Variants in PARPBP observed in about 807,000 individuals in gnomAD.
The protein encoded by PARPBP is PARP1 binding protein, also known as PCNA-interacting partner.
In PARPBP, 52 loss-of-function variants were observed where a neutral mutation model predicts 50.0. The observed-to-expected ratio is 1.04, with a 90% CI of 0.83 to 1.31. The LOEUF (loss-of-function observed/expected upper bound fraction) is 1.31, where lower values mean the gene tolerates loss of function less well. PARPBP is among the 50% of genes most tolerant of loss of function. PARPBP has a pLI of 0.00. For synonymous variants in PARPBP, 244 were observed against 232.1 expected (o/e 1.05, Z -0.47); for missense variants, 697 against 672.0 (o/e 1.04, Z -0.41).
intron 1 of PARPBP, among the ~76,000 whole-genome samples, 174 bp from the exon 2 acceptor site, chr12:102,123,712 G>A (rs369141140): frequency 3.9e-5 from 6 of 152,186 alleles, no homozygotes; most frequent in East Asian, 1.9e-4. Flanking sequence ...ATATGATTGC[G>A]CAGAAATTGT....
chr12:102,182,501 C>T, intron 8 of PARPBP, 48 bp from the exon 9 acceptor site: 8 of 1,315,140 alleles, frequency 6.1e-6, no homozygotes, highest in Non-Finnish European at 7.6e-6. Flanking sequence ...GGGAAACAAA[C>T]ATTCCAACCA....
At chr12:102,138,054 G>C (rs961343938) in intron 2 of PARPBP, among the ~76,000 whole-genome samples, 7 of 152,144 alleles carry the variant, frequency 4.6e-5, no homozygotes, top group African/African-American at 1.7e-4. Flanking sequence ...GGTATTTCTA[G>C]TTCTAGATCC....
At chr12:102,170,153 T>A (rs934242091) in intron 6 of PARPBP, among the ~76,000 whole-genome samples, 1 of 152,206 alleles carries the variant, frequency 6.6e-6, no homozygotes, top group Non-Finnish European at 1.5e-5. Flanking sequence ...CTGAAAGATG[T>A]CTTAAATGAG....
chr12:102,182,655 A>G (rs1889942932), intron 9 of PARPBP, 28 bp downstream of exon 9: 1 of 1,391,158 alleles, frequency 7.2e-7, no homozygotes, highest in Non-Finnish European at 1.0e-6. Context: ...CCATGAAAAT[A>G]GCAAACACTG....
intron 9 of PARPBP, among the ~76,000 whole-genome samples, chr12:102,193,697 T>G (rs1485625361): frequency 6.6e-6 from 1 of 152,040 alleles, no homozygotes; most frequent in African/African-American, 2.4e-5. Context: ...AAAACTTATT[T>G]AAATAGGTTT....
At chr12:102,175,985 CTTT>C (rs948256671) in intron 7 of PARPBP, among the ~76,000 whole-genome samples, 3 of 141,672 alleles carry the variant, frequency 2.1e-5, no homozygotes, top group Admixed American at 7.1e-5. Context: ...CATAAATATT[CTTT>C]TTTTTTTTTT....
intron 8 of PARPBP, 107 bp from the exon 9 acceptor site, chr12:102,182,442 G>C (rs1889915381): frequency 1.4e-6 from 1 of 726,642 alleles, no homozygotes; most frequent in Non-Finnish European, 2.3e-6. Context: ...ATCATAAGTT[G>C]AGGAAAAACT....
At chr12:102,179,167 G>C (rs1376717114) in intron 8 of PARPBP, among the ~76,000 whole-genome samples, 1 of 152,178 alleles carries the variant, frequency 6.6e-6, no homozygotes, top group Non-Finnish European at 1.5e-5. Flanking sequence ...GAGATATTAA[G>C]TAATTTGCCC....
intron 4 of PARPBP, among the ~76,000 whole-genome samples, chr12:102,158,413 A>G (rs1463866320): frequency 1.3e-5 from 2 of 152,232 alleles, no homozygotes; most frequent in Admixed American, 6.5e-5. Context: ...AGTTACACTC[A>G]TTAATCTTTG....
rs542813216 is a variant in PARPBP, at chr12:102,184,857, T to C, written c.1263+2230T>C. On this transcript the variant is annotated intron_variant, in intron 9 of 10. Transcript: ENST00000327680. ...TACTACCAAAGTTCCTATGGAAAAG[T>C]AGTTTAGCAGCTGATTATCTTATTA... 2.2e-3 allele frequency among the ~76,000 whole-genome samples: 334 copies of C among 152,288 alleles called. 2 individuals are homozygous for C. Among genetic ancestry groups the C allele is most frequent in the Non-Finnish European group, 3.9e-3 (263 of 67,996 alleles).
intron 6 of PARPBP, among the ~76,000 whole-genome samples, chr12:102,172,974 T>G (rs1379812670): frequency 6.6e-6 from 1 of 152,216 alleles, no homozygotes; most frequent in Non-Finnish European, 1.5e-5. Flanking sequence ...GACTTCTGAT[T>G]ACAGAAGTAT....
At chr12:102,120,762 G>A (rs73384817) in intron 1 of PARPBP, among the ~76,000 whole-genome samples, 5,046 of 152,210 alleles carry the variant, frequency 0.033, 256 homozygotes, top group African/African-American at 0.11. Context: ...TTTCACTAAC[G>A]TCTCATTCTG....
At chr12:102,126,115 A>G (rs1224375202) in intron 2 of PARPBP, among the ~76,000 whole-genome samples, 1 of 152,240 alleles carries the variant, frequency 6.6e-6, no homozygotes, top group Non-Finnish European at 1.5e-5. Flanking sequence ...AGACATATTA[A>G]GAGTGTTGCC....
intron 4 of PARPBP, among the ~76,000 whole-genome samples, chr12:102,163,617 CT>C (rs1354067714): frequency 2.0e-5 from 3 of 152,012 alleles, no homozygotes; most frequent in African/African-American, 7.3e-5. Context: ...ATTCTTTCAT[CT>C]TTTTTGTTGT....
intron 4 of PARPBP, among the ~76,000 whole-genome samples, chr12:102,159,351 A>G (rs546848768): frequency 1.3e-5 from 2 of 151,766 alleles, no homozygotes; most frequent in Admixed American, 1.3e-4. Context: ...CTGGTCTTGA[A>G]CTCCTGATCT....
intron 9 of PARPBP, among the ~76,000 whole-genome samples, chr12:102,191,885 G>A (rs1431086808): frequency 2.6e-5 from 4 of 152,010 alleles, no homozygotes. Context: ...TAGTTGTTTA[G>A]TACTTCAAAA....
rs530860517 is a variant in PARPBP, at chr12:102,175,601, A to T, written c.940A>T (p.Lys314Ter). The T allele has an allele frequency of 2.7e-5, 44 of 1,613,294 alleles. 1 individual carries two copies. In the Admixed American group the frequency reaches 4.3e-4, roughly 16 times the overall value. Residue 314 changes from lysine to a stop codon, truncating the protein, a stop_gained, in exon 7 of 11, where the codon AAA becomes TAA. Transcript: ENST00000327680. LOFTEE classifies it high-confidence loss of function. ...EVAQDLDLRIKNIINSQEGVV... is the reference protein window; with the variant it reads ...EVAQDLDLRI The stretch of plus-strand genomic sequence containing the variant: ...TGCTCAGGATTTGGATTTGAGGATT[A>T]AAAATATTATCAATTCTCAAGAAGG...
At chr12:102,138,749 T>C (rs931429520) in intron 2 of PARPBP, among the ~76,000 whole-genome samples, 3 of 152,234 alleles carry the variant, frequency 2.0e-5, no homozygotes, top group African/African-American at 7.2e-5. Context: ...TAGGGAATCT[T>C]TTCCCGATTT....
At chr12:102,127,153 G>A (rs1882124764) in intron 2 of PARPBP, among the ~76,000 whole-genome samples, 1 of 152,154 alleles carries the variant, frequency 6.6e-6, no homozygotes, top group East Asian at 1.9e-4. Flanking sequence ...GCAGCACTCT[G>A]AGAGTCCATG....
Sources: allele counts gnomAD v4.1 joint callset (sites outside exome capture counted in the v4.1 genomes callset), GRCh38; gene constraint gnomAD v4.1.1; transcripts MANE v1.5; gene names NCBI Gene and HGNC (gene_info 2026-07-23, HGNC 2026-07-21).